Variants in WFS1 observed in about 807,000 individuals in gnomAD.
WFS1 encodes the protein wolframin.
In WFS1, 90 loss-of-function variants were observed where a neutral mutation model predicts 68.5. The ratio of observed to expected loss-of-function variants is 1.31; its 90% confidence interval spans 1.11 to 1.56. The LOEUF (loss-of-function observed/expected upper bound fraction) is 1.56, where lower values mean the gene tolerates loss of function less well. Ranked by LOEUF, WFS1 falls within the 40% of genes most tolerant of loss-of-function variation. The probability of loss-of-function intolerance (pLI) is 0.00; values close to 1 mark genes in which losing one functional copy is unlikely to be tolerated. For synonymous variants in WFS1, 860 were observed against 540.7 expected, an observed-to-expected ratio of 1.59 and a Z score of -8.19; for missense variants, 1,767 against 1,232.6, an observed-to-expected ratio of 1.43 and a Z score of -6.49.
chr4:6,270,314 C>A (rs916936733), intron 1 of WFS1, among the ~76,000 whole-genome samples: 1 of 151,510 alleles, frequency 6.6e-6, no homozygotes, highest in Non-Finnish European at 1.5e-5. Context: ...GCCCGAGAGG[C>A]GGAGCGGCCG....
rs1730221084 is a variant in WFS1, at chr4:6,283,467, G to A, written c.233-3626G>A. Among the ~76,000 whole-genome samples the A allele has an allele frequency of 6.6e-6, 1 of 152,216 alleles. No individual in the cohort carries two copies. Among genetic ancestry groups the A allele is most frequent in the Non-Finnish European group, 1.5e-5 (1 of 68,044 alleles). ...GAGTAGTTTGCTTCAGGCACGGCTG[G>A]ATCCAGGGGCTCAGATGATGTCATC... On this transcript the variant is annotated intron_variant, in intron 2 of 7. Coordinates refer to ENST00000226760, the MANE Select transcript of WFS1 (RefSeq NM_006005.3). The surrounding 1 kb of genome is among the most constrained non-coding windows in gnomAD (Gnocchi z 5.0).
At chr4:6,291,458 T>C in intron 5 of WFS1, 91 bp downstream of exon 5, 2 of 1,519,762 alleles carry the variant, frequency 1.3e-6, no homozygotes, top group Admixed American at 3.8e-5. Context: ...GGACCTTCCC[T>C]CAGGGGCTGG....
chr4:6,277,405 G>A (rs1364809220), intron 1 of WFS1, 46 bp from the exon 2 acceptor site: 5 of 1,522,210 alleles, frequency 3.3e-6, no homozygotes, highest in Admixed American at 3.9e-5. Flanking sequence ...GTGCCAGAGC[G>A]GGCTCTGCCG....
At chr4:6,270,206 A>C (rs535890820) in intron 1 of WFS1, among the ~76,000 whole-genome samples, 192 bp downstream of exon 1, 6 of 151,998 alleles carry the variant, frequency 3.9e-5, no homozygotes, top group African/African-American at 1.4e-4. Context: ...GCAACGCGCA[A>C]GGCGACCCCT....
At position 6,301,242 on chromosome 4, in the gene WFS1, G is replaced by A; in HGVS notation, c.1447G>A (p.Val483Ile). ...SMPLNWPYLK[V>I]LGQTFITVPV... is the part of the protein sequence containing the mutation. Reference sequence around the variant, plus strand: ...GCCCTTGAATTGGCCCTACCTGAAGGTCCTTGGCCAGACCTTCATCACCGT... The same window carrying A: ...GCCCTTGAATTGGCCCTACCTGAAGATCCTTGGCCAGACCTTCATCACCGT... Residue 483 changes from valine to isoleucine, a missense_variant, in exon 8 of 8, where the codon GTC (valine) becomes ATC (isoleucine). Coordinates refer to ENST00000226760, the MANE Select transcript of WFS1 (RefSeq NM_006005.3). 1 of 1,611,578 alleles carries A rather than the reference G, an allele frequency of 6.2e-7. No individual in the cohort carries two copies. The highest frequency in any genetic ancestry group is 1.1e-5 in the South Asian group (1 of 91,086).
rs938954940 is a variant in WFS1 at position 6,300,762 on chromosome 4, C to T, written c.967C>T (p.His323Tyr). The T allele has an allele frequency of 2.5e-6, 4 of 1,614,042 alleles. No homozygotes were observed. The highest frequency in any genetic ancestry group is 1.7e-5 in the Admixed American group (1 of 60,006). ...GCTGTCCACCATCATCCCCACGCAC[C>T]ACATCAACGCGCTCATCTTCTTCTT... ...HWLSTIIPTH[H>Y]INALIFFFIV... is the part of the protein sequence containing the mutation. Residue 323 changes from histidine to tyrosine, a missense_variant, in exon 8 of 8, where the codon CAC (histidine) becomes TAC (tyrosine). His to Tyr is a moderately conservative substitution (Grantham distance 83). Transcript: ENST00000226760.
chr4:6,275,859 C>T (rs1212056056), intron 1 of WFS1, among the ~76,000 whole-genome samples: 1 of 152,210 alleles, frequency 6.6e-6, no homozygotes, highest in Non-Finnish European at 1.5e-5. Flanking sequence ...CCTGGCTGCT[C>T]AGTGCCAAGC....
At chr4:6,272,791 A>G (rs545903512) in intron 1 of WFS1, among the ~76,000 whole-genome samples, 1 of 152,268 alleles carries the variant, frequency 6.6e-6, no homozygotes, top group South Asian at 2.1e-4. Context: ...TTTCATCCTA[A>G]ACAGACTCCG....
chr4:6,278,470 G>A (rs1439796055), intron 2 of WFS1, among the ~76,000 whole-genome samples: 2 of 152,266 alleles, frequency 1.3e-5, no homozygotes, highest in Non-Finnish European at 2.9e-5. Flanking sequence ...AGAAGCCCCA[G>A]ACCCATGGTG....
At chr4:6,297,089 A>C (rs1321311500) in intron 7 of WFS1, among the ~76,000 whole-genome samples, 8 of 152,224 alleles carry the variant, frequency 5.3e-5, no homozygotes, top group African/African-American at 1.7e-4. Flanking sequence ...TTGGCCTCCC[A>C]CACTGCTGGG....
At position 6,290,454 on chromosome 4, in the gene WFS1, G is replaced by A. The variant is rs564915596; in HGVS notation, c.461-743G>A. On this transcript the variant is annotated intron_variant, in intron 4 of 7. Coordinates refer to ENST00000226760, the MANE Select transcript of WFS1 (RefSeq NM_006005.3). ...GGATAGCCCAGAGGCTGCTGGGGCA[G>A]AGCGTGCAAGGGAGGAGGCCGGTTG... Among the ~76,000 whole-genome samples the A allele has an allele frequency of 1.0e-4, 16 of 152,390 alleles. No homozygotes were observed. The South Asian group carries it at 2.7e-3, about 26-fold the overall frequency.
At chr4:6,274,982 T>A (rs1484815241) in intron 1 of WFS1, among the ~76,000 whole-genome samples, 2 of 152,194 alleles carry the variant, frequency 1.3e-5, no homozygotes, top group Admixed American at 1.3e-4. Flanking sequence ...GGTTCCTGTC[T>A]GTGAAGTGGG....
chr4:6,301,255 C>G lies in WFS1; in HGVS notation c.1460C>G (p.Thr487Ser), dbSNP rs142269405. The G allele has an allele frequency of 1.6e-5, 25 of 1,611,442 alleles. No homozygotes were observed. The African/African-American group carries it at 2.9e-4, about 19-fold the overall frequency. ...CCCTACCTGAAGGTCCTTGGCCAGA[C>G]CTTCATCACCGTGCCTGTCGGCCAC... ...NWPYLKVLGQ[T>S]FITVPVGHLV... Residue 487 changes from threonine to serine, a missense_variant, in exon 8 of 8, where the codon ACC becomes AGC. By Grantham distance (58) the Thr-to-Ser change is moderately conservative. Coordinates refer to ENST00000226760, the MANE Select transcript of WFS1 (RefSeq NM_006005.3).
chr4:6,301,679 G>T lies in WFS1; in HGVS notation c.1884G>T (p.Thr628=), dbSNP rs71532860. The change falls in exon 8 of 8, where the codon ACG becomes ACT. Residue 628 remains threonine (T), a synonymous_variant. Transcript: ENST00000226760. ...TGGTGGGGATGGTGAAGTCCCTGACGCGGAGCTCCATGGTCAAGCTCATCC... is the reference window on the plus strand; with the variant it reads ...TGGTGGGGATGGTGAAGTCCCTGACTCGGAGCTCCATGGTCAAGCTCATCC... The part of the protein sequence containing the change: ...FSVVGMVKSL[T]RSSMVKLILV... 3.1e-6 allele frequency: 5 copies of T among 1,614,104 alleles called. No individual in the cohort carries two copies. The highest frequency in any genetic ancestry group is 2.2e-5 in the East Asian group (1 of 44,872).
chr4:6,292,003 T>C lies in WFS1; in HGVS notation c.712+6T>C, dbSNP rs780887853. ...GCGCCTGGTCAGCAGCGAGTGTGAG[T>C]GCAGCCCCTGCCCCGTCTCACCCAT... On this transcript the variant is annotated splice_donor_region_variant and intron_variant, in intron 6 of 7. Transcript: ENST00000226760. 1 of 1,602,262 alleles carries C rather than the reference T, an allele frequency of 6.2e-7. No homozygotes were observed. The highest frequency in any genetic ancestry group is 1.1e-5 in the South Asian group (1 of 88,768).
chr4:6,277,999 T>C (rs1185367176), intron 2 of WFS1, among the ~76,000 whole-genome samples: 2 of 152,204 alleles, frequency 1.3e-5, no homozygotes, highest in African/African-American at 4.8e-5. Context: ...TGGAGTAAAT[T>C]CACGGGCCCT....
At chr4:6,277,353 C>A in intron 1 of WFS1, 98 bp from the exon 2 acceptor site, 1 of 1,190,932 alleles carries the variant, frequency 8.4e-7, no homozygotes, top group South Asian at 1.3e-5. Context: ...CTGGCAGCTC[C>A]CACCTGCCTC....
Position 6,301,325 on chromosome 4 carries a change from C to T in WFS1, c.1530C>T (p.Tyr510=), listed in dbSNP as rs35789242. 3.4e-4 allele frequency: 551 copies of T among 1,611,908 alleles called. 1 individual carries two copies. The African/African-American group carries it at 5.9e-3, about 17-fold the overall frequency. ...GCGTCCCGTGCCTGCTCTATGTCTA[C>T]CTGCTCTATCTCTTCTTCCGCATGG... The part of the protein sequence containing the change: ...NVSVPCLLYV[Y]LLYLFFRMAQ... The change falls in exon 8 of 8, where the codon TAC becomes TAT. Residue 510 remains tyrosine (Y), a synonymous_variant. Transcript: ENST00000226760.
At chr4:6,300,561 C>T (rs547595790) in intron 7 of WFS1, 96 bp from the exon 8 acceptor site, 5 of 1,574,408 alleles carry the variant, frequency 3.2e-6, no homozygotes, top group East Asian at 2.3e-5. Flanking sequence ...GTGCGGGTTC[C>T]TTTTGCCCAG....
Sources: gnomAD v4.1 joint callset for allele counts (sites outside exome capture counted in the v4.1 genomes callset) on GRCh38, gnomAD v4.1.1 for gene constraint, Gnocchi (gnomAD v3.1) non-coding constraint, MANE v1.5 for transcripts, NCBI Gene and HGNC (gene_info 2026-07-23, HGNC 2026-07-21) for gene names.